The following CASK variants were observed in gnomAD, a reference collection of about 807,000 sequenced individuals.
CASK encodes calcium/calmodulin dependent serine protein kinase, also known as peripheral plasma membrane protein CASK.
Under a neutral mutation model 82.9 loss-of-function variants are expected in CASK, and 4 were observed. That is an observed-to-expected ratio of 0.05 (90% confidence interval 0.02 to 0.11). The LOEUF (loss-of-function observed/expected upper bound fraction) is 0.11. Ranked by LOEUF, CASK falls within the 10% of genes least tolerant of loss-of-function variation. The probability of loss-of-function intolerance (pLI) is 1.00; values close to 1 mark genes in which losing one functional copy is unlikely to be tolerated. For missense variants in CASK, 358 were observed against 720.9 expected (o/e 0.50, Z 5.76); for synonymous variants, 259 against 253.5 (o/e 1.02, Z -0.20).
intron 1 of CASK, among the ~76,000 whole-genome samples, chrX:41,883,145 T>G (rs746905667): frequency 3.6e-5 from 4 of 112,033 alleles, no homozygotes; most frequent in African/African-American, 6.5e-5. Context: ...TTTATGGAAA[T>G]GTAGGACATT....
chrX:41,745,988 T>C (rs1399913889), intron 3 of CASK, among the ~76,000 whole-genome samples: 1 of 111,938 alleles, frequency 8.9e-6, no homozygotes, highest in Non-Finnish European at 1.9e-5. Flanking sequence ...TAAAAAACAA[T>C]CTTGCTATTG....
chrX:41,910,839 A>G (rs1329966575), intron 1 of CASK, among the ~76,000 whole-genome samples: 1 of 112,358 alleles, frequency 8.9e-6, no homozygotes, highest in Admixed American at 9.4e-5. Context: ...TTAAATACAT[A>G]TTTACACAGA....
chrX:41,817,301 GGA>G (rs1175978448), intron 2 of CASK, among the ~76,000 whole-genome samples: 1 of 111,533 alleles, frequency 9.0e-6, no homozygotes, highest in Non-Finnish European at 1.9e-5. Flanking sequence ...TTTTCTCTAA[GGA>G]ATAAGAAAAC....
chrX:41,891,999 G>A (rs1189857243), intron 1 of CASK, among the ~76,000 whole-genome samples: 1 of 111,018 alleles, frequency 9.0e-6, no homozygotes, highest in Non-Finnish European at 1.9e-5. Flanking sequence ...AGACCAGGCT[G>A]GGCAACATGG....
rs180978724 is a variant in CASK, at chrX:41,661,825, A to G, written c.709-1264T>C. Among the ~76,000 whole-genome samples the G allele has an allele frequency of 2.0e-3, 223 of 110,509 alleles. 1 individual carries two copies. The highest frequency in any genetic ancestry group is 7.1e-3 in the African/African-American group (216 of 30,417). On this transcript the variant is annotated intron_variant, in intron 7 of 26. Coordinates refer to ENST00000378163, the MANE Select transcript of CASK (RefSeq NM_001367721.1). Reference sequence around the variant, plus strand: ...AATCCCACACTTTGGGAGGGATGAAATCCCACACTTTTCATCCTAGTGAAA... The same window carrying G: ...AATCCCACACTTTGGGAGGGATGAAGTCCCACACTTTTCATCCTAGTGAAA...
In CASK at chrX:41,827,490, T is replaced by C. The variant is rs373272454; in HGVS notation, c.172+25625A>G. 2.1e-4 allele frequency among the ~76,000 whole-genome samples: 23 copies of C among 111,950 alleles called. 2 individuals carry two copies. In the East Asian group the frequency reaches 3.6e-3, roughly 18 times the overall value. ...GGGGGCAAGTGATCTCTCTAAGGCA[T>C]CTTTTATAAGAGCACTAATCCCATT... On this transcript the variant is annotated intron_variant, in intron 2 of 26. Transcript: ENST00000378163.
chrX:41,700,006 C>T (rs188472815), intron 5 of CASK, among the ~76,000 whole-genome samples: 3 of 112,111 alleles, frequency 2.7e-5, no homozygotes, highest in East Asian at 2.8e-4. Context: ...GAAGTATATA[C>T]GTATCTTTAC....
intron 24 of CASK, 89 bp downstream of exon 24, chrX:41,534,617 C>T (rs2064850699): frequency 6.9e-6 from 5 of 729,907 alleles, no homozygotes; most frequent in Non-Finnish European, 8.4e-6. Flanking sequence ...AACAGTTATA[C>T]CTTATGTAAT....
At chrX:41,683,848 T>C (rs146285806) in intron 5 of CASK, among the ~76,000 whole-genome samples, 234 of 112,027 alleles carry the variant, frequency 2.1e-3, no homozygotes, top group Non-Finnish European at 3.7e-3. Flanking sequence ...AAAATAATAG[T>C]AATACCTACA....
chrX:41,886,840 G>A (rs1402092600), intron 1 of CASK, among the ~76,000 whole-genome samples: 1 of 111,160 alleles, frequency 9.0e-6, no homozygotes, highest in African/African-American at 3.3e-5. Flanking sequence ...TTTAAAAGCC[G>A]TAATAGGTAT....
intron 10 of CASK, among the ~76,000 whole-genome samples, chrX:41,623,356 A>C (rs1211000832): frequency 1.8e-5 from 2 of 112,643 alleles, no homozygotes; most frequent in African/African-American, 6.4e-5. Flanking sequence ...TTAGATGACA[A>C]GTTTTTAAAC....
chrX:41,619,663 G>C (rs1457048738), intron 11 of CASK, among the ~76,000 whole-genome samples: 1 of 111,625 alleles, frequency 9.0e-6, no homozygotes, highest in Non-Finnish European at 1.9e-5. Flanking sequence ...CTCATAAAAA[G>C]GTTGACCAAG....
chrX:41,825,304 C>T (rs1355573634), intron 2 of CASK, among the ~76,000 whole-genome samples: 1 of 110,962 alleles, frequency 9.0e-6, no homozygotes, highest in African/African-American at 3.3e-5. Context: ...TATACTACCC[C>T]ACCTGTGAAA....
rs1004831271 is a variant in CASK, at chrX:41,640,245, C to T, written c.832-3584G>A. On this transcript the variant is annotated intron_variant, in intron 8 of 26. Coordinates refer to ENST00000378163, the MANE Select transcript of CASK (RefSeq NM_001367721.1). ...TTGAAATGGAGTCTTGCTCTGTCGC[C>T]TAGGCTGGAGGGCAGTGGCATGATC... Among the ~76,000 whole-genome samples, 3 of 110,251 alleles carry T rather than the reference C, an allele frequency of 2.7e-5. No homozygotes were observed. The Admixed American group carries it at 2.9e-4, about 11-fold the overall frequency.
At chrX:41,905,251 C>A (rs975455990) in intron 1 of CASK, among the ~76,000 whole-genome samples, 1 of 111,943 alleles carries the variant, frequency 8.9e-6, no homozygotes, top group Non-Finnish European at 1.9e-5. Flanking sequence ...TGGGCACATA[C>A]CTAGGAATGG....
intron 21 of CASK, among the ~76,000 whole-genome samples, chrX:41,551,698 C>T (rs1238880640): frequency 5.5e-5 from 6 of 108,334 alleles, no homozygotes; most frequent in Admixed American, 2.0e-4. Flanking sequence ...AGTTCACGAC[C>T]AGCCTGGCCA....
At chrX:41,549,821 C>T (rs1181072143) in intron 21 of CASK, among the ~76,000 whole-genome samples, 2 of 109,425 alleles carry the variant, frequency 1.8e-5, no homozygotes, top group African/African-American at 3.3e-5. Context: ...GCCTGGGAGA[C>T]AGAGAGGGAC....
chrX:41,862,116 A>T (rs935960933), intron 1 of CASK, among the ~76,000 whole-genome samples: 30 of 109,807 alleles, frequency 2.7e-4, no homozygotes, highest in Non-Finnish European at 5.7e-4. Context: ...CCTCTATGAC[A>T]CACGGACATC....
intron 1 of CASK, among the ~76,000 whole-genome samples, chrX:41,877,900 G>A (rs2071859582): frequency 9.1e-6 from 1 of 110,414 alleles, no homozygotes; most frequent in African/African-American, 3.3e-5. Context: ...AATGAATGCC[G>A]CTAAATTGTA....
Sources: allele counts gnomAD v4.1 joint callset (sites outside exome capture counted in the v4.1 genomes callset), GRCh38; gene constraint gnomAD v4.1.1; transcripts MANE v1.5; gene names NCBI Gene and HGNC (gene_info 2026-07-23, HGNC 2026-07-21).